POLR1A: variants seen among roughly 807,000 people sequenced by gnomAD.
The protein encoded by POLR1A is RNA polymerase I subunit A.
In POLR1A, 84 loss-of-function variants were observed where a neutral mutation model predicts 205.3. That is an observed-to-expected ratio of 0.41 (90% CI 0.34 to 0.49). The LOEUF (loss-of-function observed/expected upper bound fraction) is 0.49. POLR1A is among the 20% of genes least tolerant of loss of function. The pLI is 0.22. For missense variants in POLR1A, 1,645 were observed against 2,204.5 expected (o/e 0.75, Z 5.08); for synonymous variants, 799 against 863.7 (o/e 0.93, Z 1.31).
rs545790787 is a variant in POLR1A at position 86,046,858 on chromosome 2, T to G, written c.2733+307A>C. On this transcript the variant is annotated intron_variant, in intron 19 of 33. Coordinates refer to ENST00000263857, the MANE Select transcript of POLR1A (RefSeq NM_015425.6). ...AAAAACGAAAGAAAGAAAGAAACAA[T>G]CATGCAAAATTACGTAAAAATTGTG... 5.9e-5 allele frequency among the ~76,000 whole-genome samples: 9 copies of G among 151,774 alleles called. No individual in the cohort carries two copies. The East Asian group carries it at 1.7e-3, about 29-fold the overall frequency.
chr2:86,055,881 A>G (rs1385988548), intron 14 of POLR1A, among the ~76,000 whole-genome samples: 1 of 152,210 alleles, frequency 6.6e-6, no homozygotes, highest in African/African-American at 2.4e-5. Context: ...CAAGACAAGG[A>G]TGTCTACGCT....
rs1382388649 is a variant in POLR1A at position 86,027,596 on chromosome 2, C to G, written c.5063-73G>C. On this transcript the variant is annotated intron_variant, in intron 33 of 33. Transcript: ENST00000263857. ...GGAATGTCATGAGGTGATTATGGGG[C>G]TGAACACTGAAGTCTCGGGACTCAG... The G allele has an allele frequency of 2.7e-5, 35 of 1,309,802 alleles. No individual in the cohort carries two copies. The East Asian group carries it at 7.6e-4, about 28-fold the overall frequency. The allele number at this position is 1,309,802 out of a possible 1,614,324, so 81.1% of individuals were successfully genotyped here. A position where few individuals can be genotyped will look rare whatever the true frequency, so the allele number is the denominator to read the frequency against.
intron 29 of POLR1A, 77 bp downstream of exon 29, chr2:86,032,195 C>T: frequency 2.0e-6 from 2 of 1,003,758 alleles, no homozygotes; most frequent in Non-Finnish European, 1.6e-6. Flanking sequence ...GGCCTGGGTG[C>T]CGGGAGATAA....
At chr2:86,099,549 C>T (rs1673775406) in intron 2 of POLR1A, among the ~76,000 whole-genome samples, 3 of 151,972 alleles carry the variant, frequency 2.0e-5, no homozygotes, top group African/African-American at 4.8e-5. Context: ...CTTTCTGGGG[C>T]TTTGCTTCTC....
intron 3 of POLR1A, among the ~76,000 whole-genome samples, chr2:86,090,755 C>A (rs141926589): frequency 3.3e-5 from 5 of 152,338 alleles, no homozygotes; most frequent in Admixed American, 3.3e-4. Context: ...TTTTTATTCA[C>A]AAACTCTCAA....
Position 86,052,884 on chromosome 2 carries a change from G to C in POLR1A, c.2325C>G (p.Gly775=), listed in dbSNP as rs773917152. 1.2e-6 allele frequency: 2 copies of C among 1,607,426 alleles called. No individual in the cohort carries two copies. Among genetic ancestry groups the C allele is most frequent in the Admixed American group, 3.4e-5 (2 of 59,386 alleles). Residue 775 remains glycine, a synonymous_variant, in exon 16 of 34, where the codon GGC becomes GGG. Transcript: ENST00000263857. ...CYEIYGGETS[G]KVLTCLARLF... is the part of the protein sequence containing the mutation. The stretch of plus-strand genomic sequence containing the variant: ...GGCGGGCCAGGCAGGTTAGAACCTT[G>C]CCGCTGGTCTCGCCTCCATAGATCT...
At chr2:86,087,221 T>G (rs1480058615) in intron 6 of POLR1A, among the ~76,000 whole-genome samples, 2 of 152,232 alleles carry the variant, frequency 1.3e-5, no homozygotes, top group Non-Finnish European at 2.9e-5. Context: ...GTCTAAAAAT[T>G]ATCCTAAACT....
At chr2:86,043,279 C>G in intron 22 of POLR1A, 84 bp from the exon 23 acceptor site, 1 of 1,173,850 alleles carries the variant, frequency 8.5e-7, no homozygotes, top group Non-Finnish European at 1.2e-6. Flanking sequence ...GGCCATGGAG[C>G]ACAAATTCAG....
intron 6 of POLR1A, among the ~76,000 whole-genome samples, chr2:86,083,572 GC>G (rs1673442594): frequency 6.6e-6 from 1 of 152,064 alleles, no homozygotes; most frequent in African/African-American, 2.4e-5. Context: ...TCTGCATGTT[GC>G]TATGTAGCTT....
chr2:86,040,613 G>A, intron 24 of POLR1A, 54 bp from the exon 25 acceptor site: 1 of 1,341,894 alleles, frequency 7.5e-7, no homozygotes, highest in Non-Finnish European at 1.0e-6. Context: ...GTCAGGAGCA[G>A]ACACCACAGA....
At chr2:86,093,322 T>C (rs1379197939) in intron 3 of POLR1A, among the ~76,000 whole-genome samples, 1 of 152,190 alleles carries the variant, frequency 6.6e-6, no homozygotes, top group Non-Finnish European at 1.5e-5. Flanking sequence ...ATTCCAAGTA[T>C]TTCCAGAAAT....
intron 14 of POLR1A, among the ~76,000 whole-genome samples, chr2:86,064,354 A>G (rs1673049856): frequency 6.6e-6 from 1 of 152,202 alleles, no homozygotes; most frequent in African/African-American, 2.4e-5. Flanking sequence ...AGCCAATTAG[A>G]AGTTGATCCT....
intron 15 of POLR1A, among the ~76,000 whole-genome samples, chr2:86,053,422 G>A (rs1467532201): frequency 1.3e-5 from 2 of 152,136 alleles, no homozygotes; most frequent in South Asian, 2.1e-4. Context: ...CTTCAACCTC[G>A]TAACTGTGCC....
intron 14 of POLR1A, among the ~76,000 whole-genome samples, chr2:86,060,498 G>T (rs1672974579): frequency 6.6e-6 from 1 of 152,186 alleles, no homozygotes; most frequent in African/African-American, 2.4e-5. Context: ...TGCTGTTGGT[G>T]CAATGGAAAC....
intron 27 of POLR1A, 104 bp from the exon 28 acceptor site, chr2:86,033,891 G>T: frequency 7.2e-7 from 1 of 1,390,444 alleles, no homozygotes. Context: ...GGGGATCAGT[G>T]CACGAGATGG....
rs564658667 is a variant in POLR1A, at chr2:86,023,106, T to C, written c.*4317A>G. 1.3e-5 allele frequency: 2 copies of C among 152,314 alleles called. No individual in the cohort carries two copies. Among genetic ancestry groups the C allele is most frequent in the South Asian group, 4.1e-4 (2 of 4,832 alleles). 9.4% of individuals were successfully genotyped at this position (152,314 alleles called of 1,614,324 possible). On this transcript the variant is annotated 3_prime_UTR_variant, in exon 34 of 34. Coordinates refer to ENST00000263857, the MANE Select transcript of POLR1A (RefSeq NM_015425.6). ...AGGTCCAAAACTGAGAGCCTCTAAG[T>C]GGACTTTGGACGGAAGTGGGGTGGA...
In POLR1A at chr2:86,043,002, C is replaced by A. The variant is rs1268987651; in HGVS notation, c.3329G>T (p.Arg1110Leu). The A allele has an allele frequency of 3.1e-6, 5 of 1,613,794 alleles. No homozygotes were observed. The African/African-American group carries it at 5.3e-5, about 17-fold the overall frequency. Residue 1110 changes from arginine to leucine, a missense_variant, in exon 23 of 34, where the codon CGC becomes CTC. Arg to Leu is a moderately radical substitution (Grantham distance 102, BLOSUM62 -2). Coordinates refer to ENST00000263857, the MANE Select transcript of POLR1A (RefSeq NM_015425.6). ...CTGAGTCCCAGGGCTGCGGCCATTG[C>A]GGTTTTCACTCTCAAGTTTCAGGGC... ...VKALKLESEN[R>L]NGRSPGTQEM...
At chr2:86,046,883 G>GTA (rs2104393799) in intron 19 of POLR1A, among the ~76,000 whole-genome samples, 1 of 152,164 alleles carries the variant, frequency 6.6e-6, no homozygotes, top group African/African-American at 2.4e-5. Flanking sequence ...TAAAAATTGT[G>GTA]TGAGTATACA....
rs1030290365 is a variant in POLR1A at position 86,068,387 on chromosome 2, G to GGGGA, written c.1866+1630_1866+1631insTCCC. Among the ~76,000 whole-genome samples the GGGGA allele has an allele frequency of 1.5e-4, 4 of 26,790 alleles. 1 individual carries two copies. The highest frequency in any genetic ancestry group is 3.4e-4 in the African/African-American group (4 of 11,894). 17.6% of individuals were successfully genotyped at this position (26,790 alleles called of 152,430 possible). ...AACACGCACAGCCAAGCACATGGGC[G>GGGGA]GGGGGGGGGGGCGGGTGTCGTCCAA... On this transcript the variant is annotated intron_variant, in intron 13 of 33. Transcript: ENST00000263857.
Sources: gnomAD v4.1 joint callset for allele counts (sites outside exome capture counted in the v4.1 genomes callset) on GRCh38, gnomAD v4.1.1 for gene constraint, MANE v1.5 for transcripts, NCBI Gene and HGNC (gene_info 2026-07-23, HGNC 2026-07-21) for gene names.